The following ZZZ3 variants were observed in gnomAD, a reference collection of about 807,000 sequenced individuals.
ZZZ3 encodes the protein ZZ-type zinc finger-containing protein 3.
Under a neutral mutation model 95.2 loss-of-function variants are expected in ZZZ3, and 22 were observed. The observed-to-expected ratio is 0.23, with a 90% CI of 0.17 to 0.33. The LOEUF (loss-of-function observed/expected upper bound fraction) is 0.33. Among genes scored for constraint, ZZZ3 ranks in the 10% least tolerant of loss-of-function variants. The pLI is 1.00. For synonymous variants in ZZZ3, 335 were observed against 358.9 expected (o/e 0.93, Z 0.75); for missense variants, 885 against 1,066.5 (o/e 0.83, Z 2.37).
intron 1 of ZZZ3, among the ~76,000 whole-genome samples, chr1:77,652,230 C>CTA (rs1212607053): frequency 6.6e-6 from 1 of 152,076 alleles, no homozygotes; most frequent in Non-Finnish European, 1.5e-5. Flanking sequence ...ATCTCTCTAT[C>CTA]TATAAAAACC....
chr1:77,600,382 G>A (rs1425379330), intron 5 of ZZZ3, among the ~76,000 whole-genome samples: 2 of 152,054 alleles, frequency 1.3e-5, no homozygotes, highest in Admixed American at 1.3e-4. Context: ...ACGGTACTAA[G>A]CACTGGAGAT....
At chr1:77,569,223 G>A (rs1291741591) in intron 12 of ZZZ3, among the ~76,000 whole-genome samples, 1 of 152,204 alleles carries the variant, frequency 6.6e-6, no homozygotes, top group Non-Finnish European at 1.5e-5. Context: ...TGTAATACCA[G>A]CTACTCGGGA....
At chr1:77,679,233 A>C (rs1672532758) in intron 1 of ZZZ3, among the ~76,000 whole-genome samples, 1 of 152,164 alleles carries the variant, frequency 6.6e-6, no homozygotes, top group South Asian at 2.1e-4. Flanking sequence ...TACTACTATA[A>C]AAATGAAACT....
chr1:77,680,777 G>A (rs1267815397), intron 1 of ZZZ3, among the ~76,000 whole-genome samples: 1 of 151,934 alleles, frequency 6.6e-6, no homozygotes, highest in African/African-American at 2.4e-5. Flanking sequence ...TATATAGTTA[G>A]GTTACAGTTT....
At chr1:77,647,193 C>T (rs1036345777) in intron 1 of ZZZ3, among the ~76,000 whole-genome samples, 3 of 152,156 alleles carry the variant, frequency 2.0e-5, no homozygotes, top group Admixed American at 6.5e-5. Context: ...TACATGGCAA[C>T]ACATTATACA....
chr1:77,671,634 TG>T (rs1266725264), intron 1 of ZZZ3, among the ~76,000 whole-genome samples: 4 of 152,184 alleles, frequency 2.6e-5, no homozygotes, highest in African/African-American at 9.7e-5. Context: ...AGTAACCCTC[TG>T]TATAAGGTTG....
chr1:77,673,345 C>A (rs2101065600), intron 1 of ZZZ3, among the ~76,000 whole-genome samples: 1 of 152,200 alleles, frequency 6.6e-6, no homozygotes, highest in Middle Eastern at 3.4e-3. Flanking sequence ...GCCTGTGATC[C>A]CTGCACTTTG....
At chr1:77,628,435 A>G (rs1182810621) in intron 5 of ZZZ3, among the ~76,000 whole-genome samples, 2 of 152,168 alleles carry the variant, frequency 1.3e-5, no homozygotes, top group Non-Finnish European at 2.9e-5. Flanking sequence ...ATATAAAAGC[A>G]CACTGTGGAT....
intron 5 of ZZZ3, among the ~76,000 whole-genome samples, chr1:77,614,461 A>G (rs1666113236): frequency 6.6e-6 from 1 of 152,232 alleles, no homozygotes; most frequent in African/African-American, 2.4e-5. Flanking sequence ...CTGTTTCCTC[A>G]TCAGCACAAG....
At chr1:77,617,541 C>T (rs757589686) in intron 5 of ZZZ3, among the ~76,000 whole-genome samples, 3 of 152,246 alleles carry the variant, frequency 2.0e-5, no homozygotes, top group East Asian at 1.9e-4. Context: ...GACACTTGAA[C>T]TGTTTCTACC....
intron 12 of ZZZ3, among the ~76,000 whole-genome samples, chr1:77,569,584 C>T (rs557506338): frequency 2.0e-5 from 3 of 152,160 alleles, no homozygotes; most frequent in Non-Finnish European, 2.9e-5. Context: ...ATGCCCAACT[C>T]GCTATTTCTG....
At position 77,606,277 on chromosome 1, in the gene ZZZ3, G is replaced by A. The variant is rs924358250; in HGVS notation, c.1506-21622C>T. Among the ~76,000 whole-genome samples, 4 of 152,294 alleles carry A rather than the reference G, an allele frequency of 2.6e-5. No homozygotes were observed. The South Asian group carries it at 6.2e-4, about 24-fold the overall frequency. On this transcript the variant is annotated intron_variant, in intron 5 of 14. Coordinates refer to ENST00000370801, the MANE Select transcript of ZZZ3 (RefSeq NM_015534.6). ...CTGCCTATGGCATGCAGGGAAAGGTGGGAAGCACCATGTCTCATGGTTTGA... is the reference window on the plus strand; with the variant it reads ...CTGCCTATGGCATGCAGGGAAAGGTAGGAAGCACCATGTCTCATGGTTTGA...
intron 5 of ZZZ3, among the ~76,000 whole-genome samples, chr1:77,605,944 C>G (rs1472011134): frequency 6.6e-6 from 1 of 152,148 alleles, no homozygotes; most frequent in East Asian, 1.9e-4. Context: ...ACTCCTTCTG[C>G]TTAAGAAAAG....
At chr1:77,570,732 G>C (rs1661300720) in intron 12 of ZZZ3, among the ~76,000 whole-genome samples, 2 of 150,910 alleles carry the variant, frequency 1.3e-5, no homozygotes, top group Admixed American at 6.6e-5. Context: ...CAATGGTGGG[G>C]CTCTCTGCAG....
At chr1:77,594,734 A>G (rs898825846) in intron 5 of ZZZ3, among the ~76,000 whole-genome samples, 2 of 152,000 alleles carry the variant, frequency 1.3e-5, no homozygotes, top group African/African-American at 4.8e-5. Context: ...TGCCAAATTT[A>G]TGAACATGAA....
intron 5 of ZZZ3, among the ~76,000 whole-genome samples, chr1:77,627,822 CT>C (rs1667462116): frequency 6.6e-6 from 1 of 152,134 alleles, no homozygotes; most frequent in Admixed American, 6.6e-5. Flanking sequence ...TCTAGAATCC[CT>C]AAATTTGACT....
In ZZZ3 at chr1:77,577,487, C is replaced by A. The variant is rs150642637; in HGVS notation, c.2179-1267G>T. Among the ~76,000 whole-genome samples the A allele has an allele frequency of 5.0e-3, 756 of 152,044 alleles. 9 individuals carry two copies. The highest frequency in any genetic ancestry group is 0.017 in the African/African-American group (713 of 41,474). On this transcript the variant is annotated intron_variant, in intron 11 of 14. Transcript: ENST00000370801. ...AACCCAAAATATTTAAAACAATTGG[C>A]AAATTAAAACAAGCTTCCAAAGCTC...
chr1:77,636,390 T>C (rs2100872100), intron 4 of ZZZ3, among the ~76,000 whole-genome samples: 1 of 152,256 alleles, frequency 6.6e-6, no homozygotes, highest in Non-Finnish European at 1.5e-5. Flanking sequence ...TAAAAACCTT[T>C]TTTTTATACA....
rs534523495 is a variant in ZZZ3 at position 77,566,259 on chromosome 1, G to C, written c.2467-78C>G. The C allele has an allele frequency of 6.3e-6, 6 of 957,324 alleles. No homozygotes were observed. The African/African-American group carries it at 9.8e-5, about 16-fold the overall frequency. 59.3% of individuals were successfully genotyped at this position (957,324 alleles called of 1,614,324 possible). ...TTTTATTTTCCACAAGGAAACACAT[G>C]ATGTGCACACAGACATCTTCTCTTC... On this transcript the variant is annotated intron_variant, in intron 13 of 14. Coordinates refer to ENST00000370801, the MANE Select transcript of ZZZ3 (RefSeq NM_015534.6).
Sources: gnomAD v4.1 joint callset for allele counts (sites outside exome capture counted in the v4.1 genomes callset) on GRCh38, gnomAD v4.1.1 for gene constraint, MANE v1.5 for transcripts, NCBI Gene and HGNC (gene_info 2026-07-23, HGNC 2026-07-21) for gene names.